Variants in THADA observed in about 807,000 individuals in gnomAD.
THADA encodes the protein tRNA (32-2'-O)-methyltransferase regulator THADA.
Under a neutral mutation model 219.8 loss-of-function variants are expected in THADA, and 213 were observed. The ratio of observed to expected loss-of-function variants is 0.97; its 90% CI spans 0.87 to 1.09. The LOEUF (loss-of-function observed/expected upper bound fraction) is 1.09. Among genes scored for constraint, THADA ranks in the 50% least tolerant of loss-of-function variants. The pLI is 0.00. For synonymous variants in THADA, 1,018 were observed against 828.9 expected (o/e 1.23, Z -3.92); for missense variants, 2,956 against 2,311.3 (o/e 1.28, Z -5.72).
At chr2:43,548,715 G>T (rs926235716) in intron 20 of THADA, among the ~76,000 whole-genome samples, 1 of 151,762 alleles carries the variant, frequency 6.6e-6, no homozygotes, top group Non-Finnish European at 1.5e-5. Flanking sequence ...TTTTAAGCCC[G>T]TCGGAAAAGT....
intron 31 of THADA, among the ~76,000 whole-genome samples, chr2:43,314,365 A>G (rs1677841605): frequency 6.6e-6 from 1 of 152,246 alleles, no homozygotes; most frequent in Non-Finnish European, 1.5e-5. Context: ...AAACCCGCTC[A>G]TAAAACCCAA....
intron 21 of THADA, among the ~76,000 whole-genome samples, chr2:43,534,010 G>A (rs926033562): frequency 3.3e-5 from 5 of 152,102 alleles, no homozygotes; most frequent in African/African-American, 1.2e-4. Flanking sequence ...TAATATGGAT[G>A]AATATAAGAT....
intron 8 of THADA, 87 bp from the exon 9 acceptor site, chr2:43,578,694 G>A (rs187882509): frequency 9.1e-6 from 8 of 875,202 alleles, no homozygotes; most frequent in Non-Finnish European, 1.4e-5. Flanking sequence ...AGCCAGATAG[G>A]CCTGGGTACA....
chr2:43,305,186 A>G (rs905560428), intron 31 of THADA, among the ~76,000 whole-genome samples: 2 of 152,006 alleles, frequency 1.3e-5, no homozygotes, highest in African/African-American at 4.8e-5. Flanking sequence ...ATATTTGTAG[A>G]GAAAAGGAAA....
intron 36 of THADA, among the ~76,000 whole-genome samples, chr2:43,256,834 C>G (rs1474194117): frequency 6.6e-6 from 1 of 152,154 alleles, no homozygotes; most frequent in Non-Finnish European, 1.5e-5. Flanking sequence ...CTACCTCAGC[C>G]TCCCAAAATG....
intron 10 of THADA, among the ~76,000 whole-genome samples, chr2:43,575,328 C>T (rs920848103): frequency 6.6e-6 from 1 of 152,152 alleles, no homozygotes; most frequent in East Asian, 1.9e-4. Flanking sequence ...CACACACCTA[C>T]AGTCCCAGCT....
intron 13 of THADA, 39 bp from the exon 14 acceptor site, chr2:43,570,549 C>A: frequency 6.4e-7 from 1 of 1,574,720 alleles, no homozygotes; most frequent in South Asian, 1.2e-5. Context: ...GTGAGCCACA[C>A]ATTAAATTTA....
rs186231353 is a variant in THADA, at chr2:43,433,797, C to T, written c.3837-3495G>A. The stretch of plus-strand genomic sequence containing the variant: ...CTGCCTCCTAGGTTCAAGCAATTCT[C>T]GTGCCTCAGCCTCCTGAGTAGCTGG... On this transcript the variant is annotated intron_variant, in intron 26 of 37. Coordinates refer to ENST00000405975, the MANE Select transcript of THADA (RefSeq NM_022065.5). Among the ~76,000 whole-genome samples, 51 of 152,196 alleles carry T rather than the reference C, an allele frequency of 3.4e-4. 1 individual carries two copies. In the East Asian group the frequency reaches 8.8e-3, roughly 26 times the overall value.
chr2:43,539,093 C>G (rs1486079161), intron 21 of THADA, among the ~76,000 whole-genome samples: 1 of 152,238 alleles, frequency 6.6e-6, no homozygotes, highest in South Asian at 2.1e-4. Context: ...AGTTACTACT[C>G]TGAAGAATAA....
chr2:43,442,690 T>C (rs929158834), intron 26 of THADA, among the ~76,000 whole-genome samples: 2 of 152,142 alleles, frequency 1.3e-5, no homozygotes, highest in African/African-American at 4.8e-5. Flanking sequence ...AGAGATATGT[T>C]ACAAGAGCAG....
At chr2:43,587,370 G>C (rs1456163892) in intron 4 of THADA, among the ~76,000 whole-genome samples, 1 of 152,128 alleles carries the variant, frequency 6.6e-6, no homozygotes, top group African/African-American at 2.4e-5. Context: ...ACTACCATTA[G>C]CTCCTGACCT....
chr2:43,562,585 A>C (rs1453609129), intron 15 of THADA: 1 of 152,084 alleles, frequency 6.6e-6, no homozygotes, highest in Non-Finnish European at 1.5e-5. Flanking sequence ...TATCGGGGTA[A>C]TCATGGCCTT....
rs189041362 is a variant in THADA at position 43,235,775 on chromosome 2, C to A, written c.5297-2893G>T. 2.9e-3 allele frequency among the ~76,000 whole-genome samples: 434 copies of A among 152,016 alleles called. 3 individuals carry two copies. The highest frequency in any genetic ancestry group is 9.9e-3 in the African/African-American group (412 of 41,488). ...AAGGAAGGCTAGGCTGCTGCACTAG[C>A]CCCACCTGACAGGACAGGTAGCCTC... On this transcript the variant is annotated intron_variant, in intron 36 of 37. Transcript: ENST00000405975.
chr2:43,344,958 G>A (rs1299199990), intron 29 of THADA, among the ~76,000 whole-genome samples: 2 of 152,196 alleles, frequency 1.3e-5, no homozygotes, highest in Non-Finnish European at 2.9e-5. Flanking sequence ...AAGGACAAGG[G>A]CATAAATGAG....
intron 26 of THADA, among the ~76,000 whole-genome samples, chr2:43,443,582 CAAT>C (rs1411652826): frequency 6.6e-6 from 1 of 152,054 alleles, no homozygotes; most frequent in East Asian, 1.9e-4. Flanking sequence ...GCCTGGAAAA[CAAT>C]AAAAGTGATA....
chr2:43,307,963 A>G (rs2104426822), intron 31 of THADA, among the ~76,000 whole-genome samples: 1 of 152,358 alleles, frequency 6.6e-6, no homozygotes, highest in South Asian at 2.1e-4. Flanking sequence ...AAGACTGAAC[A>G]TGATAAAGGG....
At chr2:43,593,409 G>T (rs1701790079) in intron 1 of THADA, among the ~76,000 whole-genome samples, 2 of 152,088 alleles carry the variant, frequency 1.3e-5, no homozygotes, top group Non-Finnish European at 2.9e-5. Context: ...CAGGCCAGGT[G>T]ACATGTAGAG....
intron 31 of THADA, among the ~76,000 whole-genome samples, chr2:43,315,666 T>C (rs1258069201): frequency 1.3e-5 from 2 of 152,086 alleles, no homozygotes; most frequent in Non-Finnish European, 2.9e-5. Flanking sequence ...GGAGTCTTGC[T>C]ATGTTGCCCA....
At chr2:43,317,137 A>G (rs1273974878) in intron 31 of THADA, among the ~76,000 whole-genome samples, 1 of 152,190 alleles carries the variant, frequency 6.6e-6, no homozygotes, top group Non-Finnish European at 1.5e-5. Context: ...CAGATCTAGG[A>G]TTCAAACCCA....
Sources: allele counts gnomAD v4.1 joint callset (sites outside exome capture counted in the v4.1 genomes callset), GRCh38; gene constraint gnomAD v4.1.1; transcripts MANE v1.5; gene names NCBI Gene and HGNC (gene_info 2026-07-23, HGNC 2026-07-21).